The following ZBTB43 variants were observed in gnomAD, a reference collection of about 807,000 sequenced individuals.
ZBTB43 encodes the protein zinc finger and BTB domain containing 43.
ZBTB43 carries 6 observed loss-of-function variants against 31.1 expected under a neutral mutation model. The ratio of observed to expected loss-of-function variants is 0.19; its 90% confidence interval spans 0.11 to 0.38. The LOEUF (loss-of-function observed/expected upper bound fraction) is 0.38. ZBTB43 is among the 10% of genes least tolerant of loss of function. The pLI, the probability that ZBTB43 is intolerant of heterozygous loss-of-function variation, is 1.00. For synonymous variants in ZBTB43, 212 were observed against 221.7 expected, an observed-to-expected ratio of 0.96 and a Z score of 0.39; for missense variants, 379 against 602.1, an observed-to-expected ratio of 0.63 and a Z score of 3.88.
chr9:126,808,593 A>G (rs1368060346), intron 1 of ZBTB43, among the ~76,000 whole-genome samples, 200 bp from the exon 2 acceptor site: 1 of 152,220 alleles, frequency 6.6e-6, no homozygotes, highest in Admixed American at 6.5e-5. Flanking sequence ...GAAAATTTAA[A>G]ATTATTACAA....
chr9:126,827,343 C>T (rs567625953), intron 2 of ZBTB43, among the ~76,000 whole-genome samples: 9 of 152,198 alleles, frequency 5.9e-5, no homozygotes, highest in Non-Finnish European at 1.2e-4. Context: ...CTGGCCAAAA[C>T]GCACAAGCGC....
At chr9:126,826,433 C>T (rs1465746956) in intron 2 of ZBTB43, among the ~76,000 whole-genome samples, 2 of 150,256 alleles carry the variant, frequency 1.3e-5, no homozygotes, top group African/African-American at 2.5e-5. Flanking sequence ...AGGCGTGCGC[C>T]ACCACTCCTG....
chr9:126,833,317 A>G lies in ZBTB43; in HGVS notation c.808A>G (p.Thr270Ala). The change falls in exon 3 of 3, where the codon ACA becomes GCA. Residue 270 changes from threonine (T) to alanine (A), a missense_variant. Physicochemically the swap from Thr to Ala is moderately conservative, Grantham distance 58. Transcript: ENST00000373464. This position sits in a 1 kb window ranked among gnomAD's most constrained non-coding sequence, Gnocchi z 7.9. ...CGCGACCTACGACGAGCACCAGGTCACAGAGTCCATCAACACCGTGCAGAC... is the reference window on the plus strand; with the variant it reads ...CGCGACCTACGACGAGCACCAGGTCGCAGAGTCCATCAACACCGTGCAGAC... ...VHATYDEHQV[T>A]ESINTVQTEH... 2 of 1,613,104 alleles carry G rather than the reference A, an allele frequency of 1.2e-6. No individual in the cohort carries two copies. The highest frequency in any genetic ancestry group is 1.7e-6 in the Non-Finnish European group (2 of 1,179,558).
intron 2 of ZBTB43, among the ~76,000 whole-genome samples, chr9:126,828,648 A>ATTATTATTATTATTATTATT (rs1554742722): frequency 1.6e-4 from 21 of 133,748 alleles, no homozygotes; most frequent in African/African-American, 5.7e-4. Context: ...TAATAATAAT[A>ATTATTATTATTATTATTATT]ATAATAATTA....
chr9:126,810,075 T>G (rs1258902837), intron 2 of ZBTB43, among the ~76,000 whole-genome samples: 1 of 152,160 alleles, frequency 6.6e-6, no homozygotes, highest in African/African-American at 2.4e-5. Context: ...GACCTTGTGA[T>G]CCACGGGCCT....
At position 126,834,016 on chromosome 9, in the gene ZBTB43, CT is replaced by C; in HGVS notation, c.*105del. On this transcript the variant is annotated 3_prime_UTR_variant, in exon 3 of 3. Coordinates refer to ENST00000373464, the MANE Select transcript of ZBTB43 (RefSeq NM_014007.4). ...GTGCTACTTGCTATTATGAGAGAAGCTTAAAAAAAAAAAGGAAGATATTTCT... is the reference window on the plus strand; with the variant it reads ...GTGCTACTTGCTATTATGAGAGAAGCTAAAAAAAAAAAGGAAGATATTTCT... 1 of 1,194,020 alleles carries C rather than the reference CT, an allele frequency of 8.4e-7. No individual in the cohort carries two copies. The highest frequency in any genetic ancestry group is 1.1e-6 in the Non-Finnish European group (1 of 884,358). The allele number at this position is 1,194,020 out of a possible 1,614,324, so 74.0% of individuals were successfully genotyped here. A position where few individuals can be genotyped will look rare whatever the true frequency, so the allele number is the denominator to read the frequency against.
At chr9:126,809,385 T>G (rs2032194325) in intron 2 of ZBTB43, among the ~76,000 whole-genome samples, 1 of 152,208 alleles carries the variant, frequency 6.6e-6, no homozygotes, top group South Asian at 2.1e-4. Flanking sequence ...TTTTTGTACA[T>G]TTGTGCCAGG....
In ZBTB43 at chr9:126,834,967, A is replaced by G. The variant is rs1162437434; in HGVS notation, c.*1054A>G. On this transcript the variant is annotated 3_prime_UTR_variant, in exon 3 of 3. Transcript: ENST00000373464. ...CACCAACCAGAGTGAGAGGGCAGAT[A>G]GGCAGGATTCTATGAGTGGTTATAC... The G allele has an allele frequency of 6.0e-6, 1 of 167,094 alleles. No homozygotes were observed. Among genetic ancestry groups the G allele is most frequent in the Non-Finnish European group, 1.5e-5 (1 of 68,134 alleles). 10.4% of individuals were successfully genotyped at this position (167,094 alleles called of 1,614,324 possible). A position where few individuals can be genotyped will look rare whatever the true frequency, so the allele number is the denominator to read the frequency against.
chr9:126,822,159 A>ATTTT (rs773251812), intron 2 of ZBTB43, among the ~76,000 whole-genome samples: 7 of 117,940 alleles, frequency 5.9e-5, no homozygotes, highest in East Asian at 2.7e-4. Flanking sequence ...CTCGGCCGAG[A>ATTTT]TTTTTTTTTT....
At chr9:126,827,135 T>C (rs2032658760) in intron 2 of ZBTB43, among the ~76,000 whole-genome samples, 3 of 152,232 alleles carry the variant, frequency 2.0e-5, no homozygotes. Context: ...TATTCCTTGT[T>C]CCATGTAGTT....
In ZBTB43 at chr9:126,817,100, CTTTTTTTTTTTTTT is replaced by C. The variant is rs780632905; in HGVS notation, c.-24+8200_-24+8213del. ...CAACTTGGCCCCATTTCCACTGTAT[CTTTTTTTTTTTTTT>C]TTTTTTTTTTTTTTGAGACAGAGTC... On this transcript the variant is annotated intron_variant, in intron 2 of 2. Coordinates refer to ENST00000373464, the MANE Select transcript of ZBTB43 (RefSeq NM_014007.4). 3.8e-4 allele frequency among the ~76,000 whole-genome samples: 21 copies of C among 55,360 alleles called. No individual in the cohort carries two copies. In the South Asian group the frequency reaches 6.2e-3, roughly 16 times the overall value. The allele number at this position is 55,360 out of a possible 152,430, so 36.3% of individuals were successfully genotyped here. A position where few individuals can be genotyped will look rare whatever the true frequency, so the allele number is the denominator to read the frequency against.
intron 2 of ZBTB43, among the ~76,000 whole-genome samples, chr9:126,825,065 C>A (rs577968754): frequency 1.3e-5 from 2 of 152,260 alleles, no homozygotes; most frequent in South Asian, 4.1e-4. Flanking sequence ...CCACCTCAGC[C>A]TCTTGTATAG....
chr9:126,826,953 A>G (rs551159286), intron 2 of ZBTB43, among the ~76,000 whole-genome samples: 1 of 152,256 alleles, frequency 6.6e-6, no homozygotes, highest in African/African-American at 2.4e-5. Flanking sequence ...AATGTACTGT[A>G]TATTCCTTTT....
chr9:126,815,007 C>G (rs1249434672), intron 2 of ZBTB43, among the ~76,000 whole-genome samples: 7 of 149,376 alleles, frequency 4.7e-5, no homozygotes, highest in African/African-American at 1.5e-4. Flanking sequence ...AAGATTTTCT[C>G]CACTGATTTT....
intron 2 of ZBTB43, among the ~76,000 whole-genome samples, chr9:126,809,981 C>T (rs1005865140): frequency 9.9e-5 from 15 of 150,934 alleles, no homozygotes; most frequent in Admixed American, 7.9e-4. Flanking sequence ...ATTACAGGTG[C>T]CGGCCACCAC....
Position 126,833,396 on chromosome 9 carries a change from A to G in ZBTB43, c.887A>G (p.Lys296Arg), listed in dbSNP as rs143042822. 407 of 1,614,046 alleles carry G rather than the reference A, an allele frequency of 2.5e-4. 2 individuals carry two copies. In the African/African-American group the frequency reaches 4.8e-3, roughly 19 times the overall value. The change falls in exon 3 of 3, where the codon AAG becomes AGG. Residue 296 changes from lysine (K) to arginine (R), a missense_variant. Physicochemically the swap from Lys to Arg is conservative, Grantham distance 26 (BLOSUM62 2). Transcript: ENST00000373464. This position sits in a 1 kb window ranked among gnomAD's most constrained non-coding sequence, Gnocchi z 7.9. ...GVEEDFHIGE[K>R]KVEAEFDEQA... Reference sequence around the variant, plus strand: ...GAGGAGGACTTCCACATCGGGGAGAAGAAAGTGGAAGCTGAGTTTGATGAA... The same window carrying G: ...GAGGAGGACTTCCACATCGGGGAGAGGAAAGTGGAAGCTGAGTTTGATGAA...
At chr9:126,827,733 C>T (rs916819093) in intron 2 of ZBTB43, among the ~76,000 whole-genome samples, 1 of 152,148 alleles carries the variant, frequency 6.6e-6, no homozygotes, top group Admixed American at 6.5e-5. Flanking sequence ...AGAGGCCGGG[C>T]GAGGTGGCTC....
intron 2 of ZBTB43, among the ~76,000 whole-genome samples, chr9:126,830,105 T>G (rs1052093328): frequency 1.3e-5 from 2 of 152,192 alleles, no homozygotes; most frequent in African/African-American, 4.8e-5. Context: ...CAGACCTGGA[T>G]TCACATCTCA....
intron 2 of ZBTB43, among the ~76,000 whole-genome samples, chr9:126,826,007 C>T (rs1025203454): frequency 7.1e-6 from 1 of 139,948 alleles, no homozygotes; most frequent in Admixed American, 7.6e-5. Flanking sequence ...ACACCATGCC[C>T]AGCCAATTTT....
Sources: gnomAD v4.1 joint callset for allele counts (sites outside exome capture counted in the v4.1 genomes callset) on GRCh38, gnomAD v4.1.1 for gene constraint, Gnocchi (gnomAD v3.1) non-coding constraint, MANE v1.5 for transcripts, NCBI Gene and HGNC (gene_info 2026-07-23, HGNC 2026-07-21) for gene names.